DLG2: variants seen among roughly 807,000 people sequenced by gnomAD.
DLG2 encodes discs large MAGUK scaffold protein 2, also known as disks large homolog 2.
DLG2 carries 45 observed loss-of-function variants against 132.5 expected under a neutral mutation model. The ratio of observed to expected loss-of-function variants is 0.34; its 90% confidence interval spans 0.27 to 0.44. The LOEUF (loss-of-function observed/expected upper bound fraction) is 0.44, where lower values mean the gene tolerates loss of function less well. DLG2 is among the 20% of genes least tolerant of loss of function. The pLI, the probability that DLG2 is intolerant of heterozygous loss-of-function variation, is 1.00. For synonymous variants in DLG2, 424 were observed against 419.6 expected (o/e 1.01, Z -0.13); for missense variants, 1,045 against 1,196.9 (o/e 0.87, Z 1.87).
chr11:85,264,037 G>T (rs1228942449), intron 4 of DLG2, among the ~76,000 whole-genome samples: 3 of 151,812 alleles, frequency 2.0e-5, no homozygotes, highest in Non-Finnish European at 4.4e-5. Flanking sequence ...AGGTCGTGCT[G>T]CTAGGGTTAT....
intron 9 of DLG2, among the ~76,000 whole-genome samples, chr11:84,154,388 T>G (rs954415753): frequency 2.0e-5 from 3 of 152,186 alleles, no homozygotes; most frequent in African/African-American, 4.8e-5. Context: ...ATCATCTCCT[T>G]TAGCCTCATC....
chr11:85,465,619 T>C (rs1409138744), intron 3 of DLG2, among the ~76,000 whole-genome samples: 1 of 152,180 alleles, frequency 6.6e-6, no homozygotes, highest in African/African-American at 2.4e-5. Context: ...TCCATGTCCT[T>C]ACAAAGGACA....
chr11:83,889,485 A>G (rs1444964956), intron 15 of DLG2, among the ~76,000 whole-genome samples: 2 of 152,214 alleles, frequency 1.3e-5, no homozygotes, highest in East Asian at 3.8e-4. Flanking sequence ...GTGGAGAAAT[A>G]GGAACACTTT....
intron 5 of DLG2, among the ~76,000 whole-genome samples, chr11:85,150,118 C>T (rs2077137214): frequency 6.9e-6 from 1 of 144,222 alleles, no homozygotes; most frequent in African/African-American, 2.6e-5. Context: ...CTCCCGAGTT[C>T]ACGCCATTCT....
chr11:85,545,007 C>A (rs1394190364), intron 3 of DLG2, among the ~76,000 whole-genome samples: 1 of 152,128 alleles, frequency 6.6e-6, no homozygotes, highest in African/African-American at 2.4e-5. Context: ...ATTGCCCTGG[C>A]CAGAACTTCC....
At chr11:84,604,377 G>A (rs1431771647) in intron 6 of DLG2, among the ~76,000 whole-genome samples, 1 of 151,808 alleles carries the variant, frequency 6.6e-6, no homozygotes, top group East Asian at 1.9e-4. Context: ...GAGTAGGGTA[G>A]GGAAAGTAAT....
chr11:85,469,525 T>G (rs2092915933), intron 3 of DLG2: 1 of 152,190 alleles, frequency 6.6e-6, no homozygotes, highest in Admixed American at 6.5e-5. Context: ...ACTACTCTGG[T>G]ATGATCACAG....
intron 5 of DLG2, among the ~76,000 whole-genome samples, chr11:85,148,763 A>G (rs2077031987): frequency 6.6e-6 from 1 of 152,006 alleles, no homozygotes; most frequent in South Asian, 2.1e-4. Context: ...ATTAGATTCC[A>G]TTTGTCAATT....
At chr11:84,859,436 G>T (rs11234214) in intron 6 of DLG2, among the ~76,000 whole-genome samples, 1 of 138,416 alleles carries the variant, frequency 7.2e-6, no homozygotes, top group African/African-American at 2.7e-5. Context: ...ACATATATAT[G>T]TATATATACA....
chr11:84,171,142 C>T (rs527477739), intron 8 of DLG2, among the ~76,000 whole-genome samples: 8 of 151,914 alleles, frequency 5.3e-5, no homozygotes, highest in Non-Finnish European at 1.0e-4. Context: ...CTGTTTCTCT[C>T]TAAAAAGGAA....
At chr11:83,637,402 A>G (rs1310846108) in intron 18 of DLG2, among the ~76,000 whole-genome samples, 1 of 152,194 alleles carries the variant, frequency 6.6e-6, no homozygotes, top group East Asian at 1.9e-4. Flanking sequence ...AGCACCTGCA[A>G]TGAGCTAGGA....
chr11:83,619,140 A>G (rs1591059891), intron 19 of DLG2, among the ~76,000 whole-genome samples: 1 of 152,304 alleles, frequency 6.6e-6, no homozygotes, highest in East Asian at 1.9e-4. Context: ...TGTAGCAGGA[A>G]ACCTCATGCC....
chr11:83,941,002 T>C (rs902334391), intron 14 of DLG2, among the ~76,000 whole-genome samples: 1 of 152,228 alleles, frequency 6.6e-6, no homozygotes. Context: ...TGTGAATTCA[T>C]TCATGAGAGA....
At chr11:85,184,389 T>C (rs1483017355) in intron 4 of DLG2, among the ~76,000 whole-genome samples, 7 of 151,626 alleles carry the variant, frequency 4.6e-5, no homozygotes, top group African/African-American at 1.7e-4. Flanking sequence ...GATTAGGAAT[T>C]TCTATTATGC....
intron 21 of DLG2, among the ~76,000 whole-genome samples, chr11:83,508,743 A>T (rs2094862172): frequency 6.6e-6 from 1 of 152,162 alleles, no homozygotes; most frequent in Non-Finnish European, 1.5e-5. Context: ...TACAATACAA[A>T]TGAGAAAACT....
chr11:83,994,100 G>A (rs549332626), intron 11 of DLG2, among the ~76,000 whole-genome samples: 1 of 151,996 alleles, frequency 6.6e-6, no homozygotes, highest in South Asian at 2.1e-4. Flanking sequence ...CACATCTAAC[G>A]GTTTATCTGT....
At chr11:83,609,912 T>C (rs538351741) in intron 19 of DLG2, among the ~76,000 whole-genome samples, 4 of 152,336 alleles carry the variant, frequency 2.6e-5, no homozygotes, top group African/African-American at 7.2e-5. Context: ...TCACTCTCTC[T>C]GTAGGACATG....
intron 17 of DLG2, among the ~76,000 whole-genome samples, chr11:83,798,113 G>A (rs2043327774): frequency 6.6e-6 from 1 of 152,174 alleles, no homozygotes; most frequent in African/African-American, 2.4e-5. Flanking sequence ...TGGCTGCCAA[G>A]GTTTTCCACC....
Position 85,033,570 on chromosome 11 carries a change from C to T in DLG2, c.357+78091G>A, listed in dbSNP as rs1389963863. Among the ~76,000 whole-genome samples the T allele has an allele frequency of 2.6e-5, 4 of 152,102 alleles. No homozygotes were observed. In the East Asian group the frequency reaches 7.7e-4, roughly 29 times the overall value. Reference sequence around the variant, plus strand: ...CTTGTATTTTTGTGCTGTCCTCAAACCCAGTGGCAAATGGAAAGTCACCCT... The same window carrying T: ...CTTGTATTTTTGTGCTGTCCTCAAATCCAGTGGCAAATGGAAAGTCACCCT... On this transcript the variant is annotated intron_variant, in intron 6 of 27. Coordinates refer to ENST00000376104, the MANE Select transcript of DLG2 (RefSeq NM_001142699.3).
Sources: gnomAD v4.1 joint callset for allele counts (sites outside exome capture counted in the v4.1 genomes callset) on GRCh38, gnomAD v4.1.1 for gene constraint, MANE v1.5 for transcripts, NCBI Gene and HGNC (gene_info 2026-07-23, HGNC 2026-07-21) for gene names.